MBOAT2: variants seen among roughly 807,000 people sequenced by gnomAD.
MBOAT2 encodes the protein membrane bound glycerophospholipid O-acyltransferase 2, also known as membrane-bound glycerophospholipid O-acyltransferase 2.
Under a neutral mutation model 63.4 loss-of-function variants are expected in MBOAT2, and 28 were observed. The observed-to-expected ratio is 0.44, with a 90% CI of 0.33 to 0.61. MBOAT2 has a LOEUF of 0.61. Among genes scored for constraint, MBOAT2 ranks in the 20% least tolerant of loss-of-function variants. The pLI is 0.03. For missense variants in MBOAT2, 470 were observed against 605.8 expected, an observed-to-expected ratio of 0.78 and a Z score of 2.35; for synonymous variants, 211 against 215.6, an observed-to-expected ratio of 0.98 and a Z score of 0.19.
At chr2:9,002,103 T>C (rs1405093738) in intron 1 of MBOAT2, among the ~76,000 whole-genome samples, 1 of 151,676 alleles carries the variant, frequency 6.6e-6, no homozygotes, top group Non-Finnish European at 1.5e-5. Context: ...GCCGGGAGGA[T>C]GAAAAACCCT....
At chr2:8,905,875 A>G (rs996725884) in intron 4 of MBOAT2, among the ~76,000 whole-genome samples, 1 of 152,260 alleles carries the variant, frequency 6.6e-6, no homozygotes, top group East Asian at 1.9e-4. Context: ...CAGGTTTTCT[A>G]TCTTTAAAAG....
rs529899234 is a variant in MBOAT2, at chr2:8,877,270, T to C, written c.507-57A>G. Reference sequence around the variant, plus strand: ...GCAGCATAAGCTTCAGAACATCTGATAGAATAACGATCCACCTCACTGCTC... The same window carrying C: ...GCAGCATAAGCTTCAGAACATCTGACAGAATAACGATCCACCTCACTGCTC... On this transcript the variant is annotated intron_variant, in intron 6 of 12. Coordinates refer to ENST00000305997, the MANE Select transcript of MBOAT2 (RefSeq NM_138799.4). The C allele has an allele frequency of 3.5e-5, 52 of 1,498,016 alleles. 1 individual carries two copies. In the South Asian group the frequency reaches 5.6e-4, roughly 16 times the overall value. 92.8% of individuals were successfully genotyped at this position (1,498,016 alleles called of 1,614,324 possible).
rs1430758667 is a variant in MBOAT2 at position 8,877,105 on chromosome 2, T to A, written c.615A>T (p.Arg205Ser). The change falls in exon 7 of 13, where the codon AGA becomes AGT. Residue 205 changes from arginine (R) to serine (S), a missense_variant. Transcript: ENST00000305997. The part of the protein sequence containing the change: ...YKDYITFIEG[R>S]SYHITQSGEN... ...CACCAGATTGTGTGATATGGTATGA[T>A]CTGCCTTCAATGAAAGTAATGTAGT... The A allele has an allele frequency of 6.2e-7, 1 of 1,614,074 alleles. No individual in the cohort carries two copies. Among genetic ancestry groups the A allele is most frequent in the Non-Finnish European group, 8.5e-7 (1 of 1,180,026 alleles).
chr2:8,912,329 A>AAGAAAGAAAGAAAG (rs1665786621), intron 3 of MBOAT2, among the ~76,000 whole-genome samples: 1 of 100,262 alleles, frequency 1.0e-5, no homozygotes, highest in Non-Finnish European at 2.1e-5. Flanking sequence ...GAAAGAAAGA[A>AAGAAAGAAAGAAAG]AGAAAGAAAG....
intron 4 of MBOAT2, among the ~76,000 whole-genome samples, chr2:8,889,093 C>A (rs1663787320): frequency 6.6e-6 from 1 of 152,158 alleles, no homozygotes; most frequent in Non-Finnish European, 1.5e-5. Context: ...CAGTGTGGCG[C>A]ACGCAGCATC....
chr2:8,914,257 A>T (rs1250374523), intron 3 of MBOAT2, among the ~76,000 whole-genome samples: 1 of 152,212 alleles, frequency 6.6e-6, no homozygotes, highest in Non-Finnish European at 1.5e-5. Flanking sequence ...GATACAGTGT[A>T]TCATGACTGT....
At chr2:8,888,535 T>C (rs1572969608) in intron 4 of MBOAT2, among the ~76,000 whole-genome samples, 1 of 152,096 alleles carries the variant, frequency 6.6e-6, no homozygotes, top group African/African-American at 2.4e-5. Context: ...AACACAGCCA[T>C]CTAAGGCACT....
intron 1 of MBOAT2, among the ~76,000 whole-genome samples, chr2:8,988,707 A>G (rs1671726674): frequency 6.6e-6 from 1 of 152,192 alleles, no homozygotes; most frequent in African/African-American, 2.4e-5. Flanking sequence ...ATTTAGTTCC[A>G]TTCAAATAAT....
chr2:8,914,623 T>C (rs1334951323), intron 3 of MBOAT2, among the ~76,000 whole-genome samples: 2 of 152,184 alleles, frequency 1.3e-5, no homozygotes, highest in African/African-American at 4.8e-5. Context: ...AAATTTACAA[T>C]AAACTCATGT....
At chr2:8,909,217 C>T (rs1260415912) in intron 3 of MBOAT2, among the ~76,000 whole-genome samples, 2 of 152,090 alleles carry the variant, frequency 1.3e-5, no homozygotes, top group African/African-American at 4.8e-5. Context: ...ACTTAAGATG[C>T]TTGGAATATA....
At chr2:8,876,918 A>T in intron 7 of MBOAT2, 112 bp downstream of exon 7, 1 of 1,081,034 alleles carries the variant, frequency 9.3e-7, no homozygotes, top group Non-Finnish European at 1.3e-6. Flanking sequence ...TATCTTGAAA[A>T]GTATTTTTAA....
intron 1 of MBOAT2, among the ~76,000 whole-genome samples, chr2:8,999,556 TAAA>T (rs1672544010): frequency 6.6e-6 from 1 of 152,216 alleles, no homozygotes; most frequent in Non-Finnish European, 1.5e-5. Context: ...TTTCGAGTCT[TAAA>T]AATCCAGCAC....
Position 8,856,557 on chromosome 2 carries a change from CTTTTTTT to C in MBOAT2, c.*2115_*2121del, listed in dbSNP as rs550849800. On this transcript the variant is annotated 3_prime_UTR_variant, in exon 13 of 13. Coordinates refer to ENST00000305997, the MANE Select transcript of MBOAT2 (RefSeq NM_138799.4). The surrounding 1 kb of genome is among the most constrained non-coding windows in gnomAD (Gnocchi z 4.2). Reference sequence around the variant, plus strand: ...AAACAGCTGGCATAATTTCTTTTTTCTTTTTTTTTTTTTGTGAGACGGAGTCTTCCTC... The same window carrying C: ...AAACAGCTGGCATAATTTCTTTTTTCTTTTTTGTGAGACGGAGTCTTCCTC... The C allele has an allele frequency of 1.6e-4, 23 of 144,256 alleles. No homozygotes were observed. Among genetic ancestry groups the C allele is most frequent in the African/African-American group, 5.6e-4 (22 of 39,376 alleles). 8.9% of individuals were successfully genotyped at this position (144,256 alleles called of 1,614,324 possible). A position where few individuals can be genotyped will look rare whatever the true frequency, so the allele number is the denominator to read the frequency against.
intron 3 of MBOAT2, among the ~76,000 whole-genome samples, chr2:8,921,867 C>G (rs1365730198): frequency 2.0e-5 from 3 of 152,048 alleles, no homozygotes; most frequent in Admixed American, 2.0e-4. Context: ...TGTGTTTATC[C>G]TACTTGAGGT....
At chr2:8,900,099 A>G (rs1468723378) in intron 4 of MBOAT2, among the ~76,000 whole-genome samples, 1 of 152,180 alleles carries the variant, frequency 6.6e-6, no homozygotes, top group Non-Finnish European at 1.5e-5. Context: ...ACGGTGGACA[A>G]CATTGAGTAA....
At chr2:8,888,915 T>G (rs558666526) in intron 4 of MBOAT2, among the ~76,000 whole-genome samples, 1 of 152,340 alleles carries the variant, frequency 6.6e-6, no homozygotes, top group South Asian at 2.1e-4. Context: ...GGAAGGCTTT[T>G]ATCCTTTATT....
intron 6 of MBOAT2, among the ~76,000 whole-genome samples, chr2:8,881,134 C>T (rs1244953140): frequency 1.3e-5 from 2 of 152,184 alleles, no homozygotes; most frequent in East Asian, 1.9e-4. Context: ...AAGTGAACTC[C>T]GTGCAGCAGT....
In MBOAT2 at chr2:8,985,212, C is replaced by A. The variant is rs1253454436; in HGVS notation, c.75+18328G>T. Among the ~76,000 whole-genome samples the A allele has an allele frequency of 2.6e-5, 4 of 152,180 alleles. 1 individual carries two copies. Among genetic ancestry groups the A allele is most frequent in the African/African-American group, 9.7e-5 (4 of 41,434 alleles). ...TTAGGTCAGACACAGACAGGTCACA[C>A]TGATGCTGATTGAAAAATGATCTAC... On this transcript the variant is annotated intron_variant, in intron 1 of 12. Transcript: ENST00000305997.
At position 8,945,785 on chromosome 2, in the gene MBOAT2, C is replaced by G. The variant is rs541550086; in HGVS notation, c.222-2521G>C. On this transcript the variant is annotated intron_variant, in intron 2 of 12. Coordinates refer to ENST00000305997, the MANE Select transcript of MBOAT2 (RefSeq NM_138799.4). ...TTTCAGATATCACATTTTAACTCTT[C>G]TGAATTTCAAGTCACACTAAAGGCA... Among the ~76,000 whole-genome samples, 8 of 151,964 alleles carry G rather than the reference C, an allele frequency of 5.3e-5. No individual in the cohort carries two copies. The South Asian group carries it at 1.0e-3, about 20-fold the overall frequency.
Sources: gnomAD v4.1 joint callset for allele counts (sites outside exome capture counted in the v4.1 genomes callset) on GRCh38, gnomAD v4.1.1 for gene constraint, Gnocchi (gnomAD v3.1) non-coding constraint, MANE v1.5 for transcripts, NCBI Gene and HGNC (gene_info 2026-07-23, HGNC 2026-07-21) for gene names.